MED13L: variants seen among roughly 807,000 people sequenced by gnomAD.
MED13L encodes mediator complex subunit 13L, also known as mediator of RNA polymerase II transcription subunit 13-like.
In MED13L, 7 loss-of-function variants were observed where a neutral mutation model predicts 220.9. That is an observed-to-expected ratio of 0.03 (90% CI 0.02 to 0.06). MED13L has a LOEUF of 0.06. Among genes scored for constraint, MED13L ranks in the 10% least tolerant of loss-of-function variants. The probability of loss-of-function intolerance (pLI) is 1.00; values close to 1 mark genes in which losing one functional copy is unlikely to be tolerated. For missense variants in MED13L, 1,965 were observed against 2,760.5 expected, an observed-to-expected ratio of 0.71 and a Z score of 6.46; for synonymous variants, 1,011 against 1,015.2, an observed-to-expected ratio of 1.00 and a Z score of 0.08.
chr12:116,187,157 T>C (rs534306724), intron 2 of MED13L, among the ~76,000 whole-genome samples: 1 of 152,300 alleles, frequency 6.6e-6, no homozygotes, highest in African/African-American at 2.4e-5. Flanking sequence ...AAATTTTGCA[T>C]TTTATCATAG....
intron 19 of MED13L, among the ~76,000 whole-genome samples, chr12:115,985,536 T>C (rs1877625387): frequency 6.6e-6 from 1 of 152,252 alleles, no homozygotes; most frequent in Non-Finnish European, 1.5e-5. Flanking sequence ...ATTTTACAGA[T>C]ATTAATTTCA....
In MED13L at chr12:115,991,962, A is replaced by G; in HGVS notation, c.2997-5T>C. The G allele has an allele frequency of 6.3e-7, 1 of 1,598,266 alleles. No individual in the cohort carries two copies. The highest frequency in any genetic ancestry group is 8.5e-7 in the Non-Finnish European group (1 of 1,179,028). ...CTCCCAACACTAGGCACGTTACTAC[A>G]AAAAGAGAAGGCACCAAGTGAGGAA... On this transcript the variant is annotated splice_region_variant and splice_polypyrimidine_tract_variant and intron_variant, in intron 16 of 30. Transcript: ENST00000281928. The surrounding 1 kb of genome is among the most constrained non-coding windows in gnomAD (Gnocchi z 7.7).
chr12:116,214,612 GA>G (rs1216316123), intron 2 of MED13L, among the ~76,000 whole-genome samples: 2 of 151,990 alleles, frequency 1.3e-5, no homozygotes, highest in Non-Finnish European at 2.9e-5. Context: ...AATGTCTAAG[GA>G]AAATATAATT....
intron 2 of MED13L, among the ~76,000 whole-genome samples, chr12:116,120,130 A>G (rs1874913221): frequency 6.6e-6 from 1 of 152,012 alleles, no homozygotes; most frequent in Non-Finnish European, 1.5e-5. Flanking sequence ...GCACCAATCT[A>G]AAATTTCCTC....
intron 2 of MED13L, among the ~76,000 whole-genome samples, chr12:116,183,143 C>T (rs182840702): frequency 4.7e-4 from 72 of 152,140 alleles, no homozygotes; most frequent in Non-Finnish European, 5.1e-4. Flanking sequence ...AATTTGAAAA[C>T]AACGGGAGTC....
intron 1 of MED13L, among the ~76,000 whole-genome samples, chr12:116,255,973 C>T (rs1872006341): frequency 6.6e-6 from 1 of 152,134 alleles, no homozygotes. Flanking sequence ...AATCCAAAAT[C>T]CAAAACACTT....
chr12:115,971,741 G>A (rs1465053899), intron 26 of MED13L, among the ~76,000 whole-genome samples: 1 of 152,180 alleles, frequency 6.6e-6, no homozygotes, highest in Non-Finnish European at 1.5e-5. Flanking sequence ...ATTCAAATAT[G>A]CATCATTCTG....
At chr12:116,187,814 C>T (rs1880992727) in intron 2 of MED13L, among the ~76,000 whole-genome samples, 1 of 151,356 alleles carries the variant, frequency 6.6e-6, no homozygotes, top group Admixed American at 6.6e-5. Context: ...GAGCAACTCG[C>T]TACTAAAAGA....
chr12:116,185,537 T>G (rs1488697831), intron 2 of MED13L, among the ~76,000 whole-genome samples: 1 of 152,134 alleles, frequency 6.6e-6, no homozygotes, highest in African/African-American at 2.4e-5. Context: ...AATCCAAAAT[T>G]CCTTAGCATA....
chr12:116,254,027 C>A (rs1453388685), intron 1 of MED13L, among the ~76,000 whole-genome samples: 1 of 151,934 alleles, frequency 6.6e-6, no homozygotes, highest in African/African-American at 2.4e-5. Context: ...TCCCAAATTG[C>A]TGGGATTACA....
intron 14 of MED13L, among the ~76,000 whole-genome samples, chr12:115,999,295 G>A (rs1592932540): frequency 1.3e-5 from 2 of 151,982 alleles, no homozygotes; most frequent in East Asian, 1.9e-4. Flanking sequence ...GGAGGCTGAG[G>A]CACAAGAATC....
intron 14 of MED13L, among the ~76,000 whole-genome samples, chr12:115,998,201 TA>T (rs1352005943): frequency 1.3e-5 from 2 of 152,234 alleles, no homozygotes; most frequent in Non-Finnish European, 2.9e-5. Context: ...CACTGATTCT[TA>T]AAAAGTAGAC....
chr12:116,139,203 A>C (rs926678184), intron 2 of MED13L, among the ~76,000 whole-genome samples: 28 of 152,228 alleles, frequency 1.8e-4, no homozygotes, highest in African/African-American at 6.5e-4. Flanking sequence ...CTCAAATCTT[A>C]ACTATGCCAA....
At chr12:116,163,253 T>C (rs10444487) in intron 2 of MED13L, among the ~76,000 whole-genome samples, 13,826 of 152,216 alleles carry the variant, frequency 0.091, 726 homozygotes, top group East Asian at 0.22. Flanking sequence ...AATAAGCTAA[T>C]TGCACTATCA....
intron 1 of MED13L, among the ~76,000 whole-genome samples, chr12:116,265,108 T>C (rs1026779033): frequency 4.5e-4 from 68 of 152,220 alleles, no homozygotes; most frequent in African/African-American, 1.6e-3. Context: ...TTATTTGAAC[T>C]ACCAAGCTGC....
At chr12:116,092,103 C>T (rs1305649386) in intron 4 of MED13L, among the ~76,000 whole-genome samples, 4 of 152,172 alleles carry the variant, frequency 2.6e-5, no homozygotes, top group African/African-American at 9.7e-5. Context: ...CAAATTGTCC[C>T]ATTAATATTT....
intron 2 of MED13L, among the ~76,000 whole-genome samples, chr12:116,209,535 A>T (rs959257658): frequency 2.6e-5 from 4 of 152,026 alleles, no homozygotes; most frequent in Non-Finnish European, 5.9e-5. Context: ...TTACCATTCC[A>T]CACTTCTCTG....
At chr12:116,055,870 G>C (rs1005725032) in intron 4 of MED13L, among the ~76,000 whole-genome samples, 1 of 151,956 alleles carries the variant, frequency 6.6e-6, no homozygotes, top group Non-Finnish European at 1.5e-5. Flanking sequence ...ACTCCAGCCT[G>C]GGCGACAGTG....
intron 14 of MED13L, among the ~76,000 whole-genome samples, chr12:115,997,447 A>G (rs767857436): frequency 6.6e-6 from 1 of 152,190 alleles, no homozygotes; most frequent in Non-Finnish European, 1.5e-5. Flanking sequence ...CGTGAGACAA[A>G]GTATCACTGT....
Sources: allele counts gnomAD v4.1 joint callset (sites outside exome capture counted in the v4.1 genomes callset), GRCh38; gene constraint gnomAD v4.1.1; non-coding constraint Gnocchi (gnomAD v3.1); transcripts MANE v1.5; gene names NCBI Gene and HGNC (gene_info 2026-07-23, HGNC 2026-07-21).